Variants in NDFIP2 observed in about 807,000 individuals in gnomAD.
NDFIP2 encodes NEDD4 family-interacting protein 2.
NDFIP2 carries 19 observed loss-of-function variants against 36.0 expected under a neutral mutation model. The observed-to-expected ratio is 0.53, with a 90% CI of 0.37 to 0.77. NDFIP2 has a LOEUF of 0.77. Among genes scored for constraint, NDFIP2 ranks in the 30% least tolerant of loss-of-function variants. The pLI, the probability that NDFIP2 is intolerant of heterozygous loss-of-function variation, is 0.00. For missense variants in NDFIP2, 446 were observed against 435.8 expected, an observed-to-expected ratio of 1.02 and a Z score of -0.21; for synonymous variants, 181 against 167.7, an observed-to-expected ratio of 1.08 and a Z score of -0.61.
At chr13:79,545,743 GT>G (rs938647180) in intron 5 of NDFIP2, among the ~76,000 whole-genome samples, 1 of 151,792 alleles carries the variant, frequency 6.6e-6, no homozygotes, top group Non-Finnish European at 1.5e-5. Context: ...TCCCACAGTT[GT>G]TTTTTTTGTG....
At chr13:79,538,480 A>G (rs554745724) in intron 3 of NDFIP2, among the ~76,000 whole-genome samples, 4 of 152,304 alleles carry the variant, frequency 2.6e-5, no homozygotes, top group African/African-American at 9.6e-5. Flanking sequence ...CACTATAGGC[A>G]TTGGGTAAAT....
intron 2 of NDFIP2, among the ~76,000 whole-genome samples, chr13:79,523,761 T>C (rs1185358321): frequency 1.3e-5 from 2 of 152,240 alleles, no homozygotes; most frequent in Non-Finnish European, 1.5e-5. Flanking sequence ...GGCATTGTGA[T>C]GTAGTGTTAA....
At chr13:79,511,667 C>G (rs1566659055) in intron 1 of NDFIP2, among the ~76,000 whole-genome samples, 5 of 152,216 alleles carry the variant, frequency 3.3e-5, no homozygotes, top group Non-Finnish European at 1.5e-5. Flanking sequence ...CTCTAGGAGG[C>G]CTAGAGGACA....
chr13:79,494,983 T>C (rs947379624), intron 1 of NDFIP2, among the ~76,000 whole-genome samples: 1 of 151,946 alleles, frequency 6.6e-6, no homozygotes, highest in Non-Finnish European at 1.5e-5. Context: ...TGTTCTGTGT[T>C]ACTGATTTCT....
rs1023482451 is a variant in NDFIP2, at chr13:79,553,529, AT to A, written c.*1018del. ...GGCCAATAAAATATCTTTCAGTATC[AT>A]TGTAATAATTTTTTAGAGTTTAATT... is the stretch of plus-strand genomic sequence containing the variant. On this transcript the variant is annotated 3_prime_UTR_variant, in exon 8 of 8. Transcript: ENST00000218652. The A allele has an allele frequency of 6.6e-6, 1 of 151,638 alleles. No individual in the cohort carries two copies. The highest frequency in any genetic ancestry group is 2.4e-5 in the African/African-American group (1 of 41,422). The allele number at this position is 151,638 out of a possible 1,614,324, so 9.4% of individuals were successfully genotyped here.
intron 1 of NDFIP2, among the ~76,000 whole-genome samples, chr13:79,500,280 GATAAC>G (rs1193844040): frequency 6.6e-6 from 1 of 151,342 alleles, no homozygotes; most frequent in East Asian, 1.9e-4. Context: ...ACTCCTAAAA[GATAAC>G]ATAAGAGAAA....
intron 1 of NDFIP2, among the ~76,000 whole-genome samples, chr13:79,492,514 C>A (rs1343035094): frequency 6.6e-6 from 1 of 151,976 alleles, no homozygotes; most frequent in African/African-American, 2.4e-5. Context: ...GCGGTCTTCC[C>A]CCTCAGCCTC....
At chr13:79,512,496 G>A (rs1010760249) in intron 1 of NDFIP2, among the ~76,000 whole-genome samples, 2 of 151,974 alleles carry the variant, frequency 1.3e-5, no homozygotes, top group Non-Finnish European at 2.9e-5. Context: ...TGAGAAAATA[G>A]GAACAGATTC....
chr13:79,547,092 C>T (rs1349290752), intron 5 of NDFIP2, among the ~76,000 whole-genome samples: 2 of 151,694 alleles, frequency 1.3e-5, no homozygotes, highest in Non-Finnish European at 2.9e-5. Context: ...ACTATAAATA[C>T]TGAAATTACT....
intron 1 of NDFIP2, among the ~76,000 whole-genome samples, chr13:79,501,229 T>A (rs1873654367): frequency 1.3e-5 from 2 of 152,104 alleles, no homozygotes; most frequent in East Asian, 3.8e-4. Context: ...TGTATGATAC[T>A]GTAATGGTGG....
At chr13:79,551,581 T>G (rs981451672) in intron 7 of NDFIP2, among the ~76,000 whole-genome samples, 30 of 151,630 alleles carry the variant, frequency 2.0e-4, no homozygotes, top group Admixed American at 1.2e-3. Context: ...CTTGCAGTCC[T>G]TTTAACAGTC....
At chr13:79,503,384 G>A (rs1449388903) in intron 1 of NDFIP2, among the ~76,000 whole-genome samples, 9 of 152,062 alleles carry the variant, frequency 5.9e-5, no homozygotes, top group South Asian at 4.2e-4. Context: ...AAGGATAAGC[G>A]GACTAGAGAA....
chr13:79,546,914 C>T (rs570833171), intron 5 of NDFIP2, among the ~76,000 whole-genome samples: 33 of 152,104 alleles, frequency 2.2e-4, no homozygotes, highest in African/African-American at 7.7e-4. Context: ...ATAGTACCAT[C>T]CTGTATAAGC....
intron 1 of NDFIP2, among the ~76,000 whole-genome samples, chr13:79,507,179 A>G (rs73551569): frequency 0.043 from 6,467 of 151,294 alleles, 480 homozygotes; most frequent in African/African-American, 0.15. Flanking sequence ...TCTATGTTTA[A>G]CCTTAGTTCT....
At chr13:79,543,982 A>G (rs1875560097) in intron 5 of NDFIP2, among the ~76,000 whole-genome samples, 1 of 152,178 alleles carries the variant, frequency 6.6e-6, no homozygotes, top group Admixed American at 6.5e-5. Flanking sequence ...TTTCTTTATA[A>G]TAGGCTGATA....
At chr13:79,544,576 C>G (rs1458896363) in intron 5 of NDFIP2, among the ~76,000 whole-genome samples, 1 of 151,492 alleles carries the variant, frequency 6.6e-6, no homozygotes, top group African/African-American at 2.4e-5. Flanking sequence ...TGAAAAATTA[C>G]CTACACATTT....
In NDFIP2 at chr13:79,481,239, C is replaced by A. The variant is rs1195889229; in HGVS notation, c.36C>A (p.Ser12Arg). Residue 12 changes from serine (S) to arginine (R), a missense_variant, in exon 1 of 8, where the codon AGC becomes AGA. By Grantham distance (110) the Ser-to-Arg change is moderately radical (BLOSUM62 -1). Coordinates refer to ENST00000218652, the MANE Select transcript of NDFIP2 (RefSeq NM_019080.3). The stretch of plus-strand genomic sequence containing the variant: ...GGCGGAGCCAGCGAGTCTGCGCGAG[C>A]GGTCCGAGCATGCTCAATAGCGCGC... The part of the protein sequence containing the change: ...ARRRSQRVCA[S>R]GPSMLNSARG... 6.6e-7 allele frequency: 1 copy of A among 1,523,404 alleles called. No homozygotes were observed. Among genetic ancestry groups the A allele is most frequent in the Non-Finnish European group, 8.8e-7 (1 of 1,140,774 alleles). 94.4% of individuals were successfully genotyped at this position (1,523,404 alleles called of 1,614,324 possible). A position where few individuals can be genotyped will look rare whatever the true frequency, so the allele number is the denominator to read the frequency against.
intron 1 of NDFIP2, 115 bp downstream of exon 1, chr13:79,481,639 TG>T: frequency 1.5e-6 from 2 of 1,321,086 alleles, no homozygotes; most frequent in Non-Finnish European, 2.0e-6. Context: ...TGTTGTGTTT[TG>T]TTTTGTTTTT....
chr13:79,490,062 T>C (rs999877321), intron 1 of NDFIP2, among the ~76,000 whole-genome samples: 3 of 152,146 alleles, frequency 2.0e-5, no homozygotes, highest in Admixed American at 1.3e-4. Flanking sequence ...ACATCAGTGA[T>C]AGGCAAGAGG....
Sources: allele counts gnomAD v4.1 joint callset (sites outside exome capture counted in the v4.1 genomes callset), GRCh38; gene constraint gnomAD v4.1.1; transcripts MANE v1.5; gene names NCBI Gene and HGNC (gene_info 2026-07-23, HGNC 2026-07-21).